Variants in PLPP3 observed in about 807,000 individuals in gnomAD.
PLPP3 encodes the protein PAP2 beta.
In PLPP3, 6 loss-of-function variants were observed where a neutral mutation model predicts 29.6. The ratio of observed to expected loss-of-function variants is 0.20; its 90% confidence interval spans 0.11 to 0.40. PLPP3 has a LOEUF of 0.40. PLPP3 is among the 10% of genes least tolerant of loss of function. PLPP3 has a pLI of 1.00. For synonymous variants in PLPP3, 152 were observed against 159.7 expected, an observed-to-expected ratio of 0.95 and a Z score of 0.36; for missense variants, 308 against 407.7, an observed-to-expected ratio of 0.76 and a Z score of 2.11.
chr1:56,547,072 A>G (rs1204915079), intron 1 of PLPP3, among the ~76,000 whole-genome samples: 2 of 152,232 alleles, frequency 1.3e-5, no homozygotes, highest in South Asian at 4.1e-4. Flanking sequence ...GGTGCATAAC[A>G]GTAATATCCT....
intron 1 of PLPP3, among the ~76,000 whole-genome samples, chr1:56,554,445 A>G (rs777243389): frequency 6.7e-4 from 101 of 151,792 alleles, no homozygotes; most frequent in Non-Finnish European, 1.1e-3. Flanking sequence ...GTTGGCGGGC[A>G]CCTGTAATCC....
At chr1:56,552,531 T>G (rs557345169) in intron 1 of PLPP3, among the ~76,000 whole-genome samples, 1 of 152,320 alleles carries the variant, frequency 6.6e-6, no homozygotes, top group African/African-American at 2.4e-5. Flanking sequence ...GACAACCTTA[T>G]TGTGTGCCAG....
chr1:56,537,983 A>G (rs959510505), intron 1 of PLPP3, among the ~76,000 whole-genome samples: 1 of 152,164 alleles, frequency 6.6e-6, no homozygotes, highest in African/African-American at 2.4e-5. Context: ...TAAAAAGCAA[A>G]GGCCCATGAT....
At chr1:56,501,998 T>C (rs1645671269) in intron 5 of PLPP3, among the ~76,000 whole-genome samples, 1 of 152,186 alleles carries the variant, frequency 6.6e-6, no homozygotes, top group Non-Finnish European at 1.5e-5. Flanking sequence ...ACTGCCAGCA[T>C]TCACACTCCG....
intron 4 of PLPP3, among the ~76,000 whole-genome samples, chr1:56,516,479 G>C (rs1645781505): frequency 6.6e-6 from 1 of 152,208 alleles, no homozygotes; most frequent in Non-Finnish European, 1.5e-5. Context: ...AGGGGCTTTA[G>C]TAAAGTCCTA....
At chr1:56,560,635 C>G (rs966624174) in intron 1 of PLPP3, among the ~76,000 whole-genome samples, 1 of 152,186 alleles carries the variant, frequency 6.6e-6, no homozygotes, top group Non-Finnish European at 1.5e-5. Flanking sequence ...ACTCTGCCCT[C>G]ATGACCTAAT....
chr1:56,527,805 A>G (rs1250632228), intron 2 of PLPP3, among the ~76,000 whole-genome samples: 1 of 152,138 alleles, frequency 6.6e-6, no homozygotes, highest in East Asian at 1.9e-4. Flanking sequence ...TGGGTTGTGA[A>G]AGGCAGCCTG....
chr1:56,517,287 C>T (rs755284046), intron 4 of PLPP3, among the ~76,000 whole-genome samples: 28 of 152,216 alleles, frequency 1.8e-4, no homozygotes, highest in Non-Finnish European at 3.5e-4. Context: ...GGCTCTGGTT[C>T]ATGTGCCTGG....
At chr1:56,530,519 T>C (rs4634932) in intron 2 of PLPP3, among the ~76,000 whole-genome samples, 10,735 of 150,474 alleles carry the variant, frequency 0.071, no homozygotes, top group Middle Eastern at 0.1. Flanking sequence ...CTGCTCAAGA[T>C]GCCACCAAGC....
Position 56,524,836 on chromosome 1 carries a change from C to CT in PLPP3, c.298-283dup, listed in dbSNP as rs1022366902. 2.0e-5 allele frequency among the ~76,000 whole-genome samples: 3 copies of CT among 147,488 alleles called. No homozygotes were observed. Among genetic ancestry groups the CT allele is most frequent in the African/African-American group, 2.5e-5 (1 of 39,842 alleles). On this transcript the variant is annotated intron_variant, in intron 2 of 5. Coordinates refer to ENST00000371250, the MANE Select transcript of PLPP3 (RefSeq NM_003713.5). The surrounding 1 kb of genome is among the most constrained non-coding windows in gnomAD (Gnocchi z 4.3). ...TGTGTGTGTGTGTGTGTGTGTGTATCTTTTTTTTTAAGGGAGAGACAAGAA... is the reference window on the plus strand; with the variant it reads ...TGTGTGTGTGTGTGTGTGTGTGTATCTTTTTTTTTTAAGGGAGAGACAAGAA...
chr1:56,548,611 C>A (rs534103261), intron 1 of PLPP3, among the ~76,000 whole-genome samples: 1 of 152,276 alleles, frequency 6.6e-6, no homozygotes, highest in African/African-American at 2.4e-5. Context: ...AGACTCCTCA[C>A]TGGGAGAATT....
At chr1:56,542,920 G>GT in intron 1 of PLPP3, among the ~76,000 whole-genome samples, 1 of 151,728 alleles carries the variant, frequency 6.6e-6, no homozygotes. Flanking sequence ...TACTCAGGAG[G>GT]TAAGAGGATA....
chr1:56,506,721 T>A (rs1329906496), intron 5 of PLPP3, among the ~76,000 whole-genome samples: 1 of 152,246 alleles, frequency 6.6e-6, no homozygotes, highest in East Asian at 1.9e-4. Flanking sequence ...TGAGTCCAAC[T>A]GTAAAGTTCA....
rs1049124797 is a variant in PLPP3 at position 56,511,998 on chromosome 1, C to G, written c.788G>C (p.Gly263Ala). Reference sequence around the variant, plus strand: ...TACTATGCAGCAGGCCACCAGGGCTCCTTGAGCAAATCCTGCCAGAACATC... The same window carrying G: ...TACTATGCAGCAGGCCACCAGGGCTGCTTGAGCAAATCCTGCCAGAACATC... ...PSDVLAGFAQ[G>A]ALVACCIVFF... Residue 263 changes from glycine (G) to alanine (A), a missense_variant, in exon 5 of 6, where the codon GGA becomes GCA. By Grantham distance (60) the Gly-to-Ala change is moderately conservative. This residue lies in a region of PLPP3 where 232 missense variants were observed against 317.2 expected (regional missense o/e 0.73). Coordinates refer to ENST00000371250, the MANE Select transcript of PLPP3 (RefSeq NM_003713.5). 9.9e-6 allele frequency: 16 copies of G among 1,613,360 alleles called. No homozygotes were observed. The highest frequency in any genetic ancestry group is 1.3e-5 in the African/African-American group (1 of 74,904).
At chr1:56,556,926 A>AAG (rs777875866) in intron 1 of PLPP3, among the ~76,000 whole-genome samples, 2,108 of 124,472 alleles carry the variant, frequency 0.017, 154 homozygotes, top group African/African-American at 0.065. Flanking sequence ...GGGAGAAAGA[A>AAG]AGAGAGAGAG....
intron 5 of PLPP3, among the ~76,000 whole-genome samples, chr1:56,511,011 T>A (rs1645737753): frequency 6.6e-6 from 1 of 152,204 alleles, no homozygotes; most frequent in Admixed American, 6.5e-5. Flanking sequence ...CTATTGTTCA[T>A]AATTCTTACT....
At chr1:56,505,205 T>A (rs2100224957) in intron 5 of PLPP3, among the ~76,000 whole-genome samples, 1 of 152,356 alleles carries the variant, frequency 6.6e-6, no homozygotes, top group East Asian at 1.9e-4. Flanking sequence ...ACAATCAATA[T>A]GTTGCATGTG....
intron 4 of PLPP3, among the ~76,000 whole-genome samples, chr1:56,522,183 C>T (rs1645823581): frequency 6.6e-6 from 1 of 152,174 alleles, no homozygotes; most frequent in Non-Finnish European, 1.5e-5. Context: ...TCAAAATGCA[C>T]CTCATCAGGT....
intron 1 of PLPP3, among the ~76,000 whole-genome samples, chr1:56,569,363 G>A (rs933011785): frequency 1.3e-5 from 2 of 151,698 alleles, no homozygotes; most frequent in South Asian, 2.1e-4. Flanking sequence ...TGTTAGAGAC[G>A]GGGTTTCACT....
Sources: allele counts gnomAD v4.1 joint callset (sites outside exome capture counted in the v4.1 genomes callset), GRCh38; gene constraint gnomAD v4.1.1; regional missense constraint gnomAD v4.1.1; non-coding constraint Gnocchi (gnomAD v3.1); transcripts MANE v1.5; gene names NCBI Gene and HGNC (gene_info 2026-07-23, HGNC 2026-07-21).